Variants in GIT1 observed in about 807,000 individuals in gnomAD.
GIT1 encodes GIT ArfGAP 1, also known as ARF GTPase-activating protein GIT1.
Under a neutral mutation model 91.7 loss-of-function variants are expected in GIT1, and 14 were observed. The observed-to-expected ratio is 0.15, with a 90% CI of 0.10 to 0.24. The LOEUF (loss-of-function observed/expected upper bound fraction) is 0.24. Among genes scored for constraint, GIT1 ranks in the 10% least tolerant of loss-of-function variants. The pLI, the probability that GIT1 is intolerant of heterozygous loss-of-function variation, is 1.00. For synonymous variants in GIT1, 414 were observed against 418.2 expected (o/e 0.99, Z 0.12); for missense variants, 717 against 1,024.9 (o/e 0.70, Z 4.10).
intron 1 of GIT1, among the ~76,000 whole-genome samples, chr17:29,586,587 A>G (rs1438132375): frequency 1.3e-5 from 2 of 152,198 alleles, no homozygotes; most frequent in Non-Finnish European, 2.9e-5. Flanking sequence ...CCACTCTGCA[A>G]TCTACACTAT....
At position 29,581,721 on chromosome 17, in the gene GIT1, C is replaced by A; in HGVS notation, c.718+21G>T. On this transcript the variant is annotated intron_variant, in intron 6 of 19. Transcript: ENST00000225394. The surrounding 1 kb of genome is among the most constrained non-coding windows in gnomAD (Gnocchi z 4.8). ...CCCAGCCAGGCCTGTCACAGCCAGG[C>A]GCCCCCCAAGCTCTGCTCACCCGGC... The A allele has an allele frequency of 2.5e-6, 4 of 1,591,106 alleles. No individual in the cohort carries two copies. Among genetic ancestry groups the A allele is most frequent in the Non-Finnish European group, 2.6e-6 (3 of 1,166,174 alleles).
At position 29,577,579 on chromosome 17, in the gene GIT1, TGCCGGATGAGGAGGGACC is replaced by T. The variant is rs966158206; in HGVS notation, c.981+48_981+65del. On this transcript the variant is annotated intron_variant, in intron 10 of 19. Coordinates refer to ENST00000225394, the MANE Select transcript of GIT1 (RefSeq NM_014030.4). ...AGAGCTGGCTCAGGCCCCAGCCCAC[TGCCGGATGAGGAGGGACC>T]GCGGGGATGAAGTAGACCACCCCAG... is the stretch of plus-strand genomic sequence containing the variant. The T allele has an allele frequency of 4.8e-6, 5 of 1,052,258 alleles. No individual in the cohort carries two copies. In the African/African-American group the frequency reaches 7.7e-5, roughly 16 times the overall value. The allele number at this position is 1,052,258 out of a possible 1,614,324, so 65.2% of individuals were successfully genotyped here.
intron 1 of GIT1, among the ~76,000 whole-genome samples, chr17:29,586,128 T>G (rs1461949606): frequency 1.3e-5 from 2 of 152,050 alleles, no homozygotes; most frequent in African/African-American, 4.8e-5. Context: ...GTCAGAATGG[T>G]GGTTACCTCT....
At chr17:29,583,691 G>A in intron 1 of GIT1, 75 bp from the exon 2 acceptor site, 1 of 1,458,720 alleles carries the variant, frequency 6.9e-7, no homozygotes, top group Non-Finnish European at 9.2e-7. Flanking sequence ...TCTGGCCCGT[G>A]CCAAGCCTAG....
Position 29,575,727 on chromosome 17 carries a change from G to A in GIT1, c.1753-24C>T. 2 of 1,611,784 alleles carry A rather than the reference G, an allele frequency of 1.2e-6. No individual in the cohort carries two copies. The highest frequency in any genetic ancestry group is 1.7e-6 in the Non-Finnish European group (2 of 1,179,154). ...CTCTGGAGGGCGGAGGGAAGGGGCTGTGAGCGCCGTGTTCCTGGACCCACA... is the reference window on the plus strand; with the variant it reads ...CTCTGGAGGGCGGAGGGAAGGGGCTATGAGCGCCGTGTTCCTGGACCCACA... On this transcript the variant is annotated intron_variant, in intron 16 of 19. Coordinates refer to ENST00000225394, the MANE Select transcript of GIT1 (RefSeq NM_014030.4). This position sits in a 1 kb window ranked among gnomAD's most constrained non-coding sequence, Gnocchi z 5.5.
At chr17:29,587,852 AC>A (rs2033644298) in intron 1 of GIT1, among the ~76,000 whole-genome samples, 1 of 152,042 alleles carries the variant, frequency 6.6e-6, no homozygotes, top group Non-Finnish European at 1.5e-5. Context: ...TGCCATGCTT[AC>A]CCCACGGAGT....
Position 29,576,611 on chromosome 17 carries a change from T to C in GIT1, c.1291A>G (p.Lys431Glu), listed in dbSNP as rs758663323. ...TTTGCCTCCGATGTAGCCAGGGCCT[T>C]CTTCAGCTCCAGGTACTCCTGCAGC... is the stretch of plus-strand genomic sequence containing the variant. ...VTLQEYLELK[K>E]ALATSEAKVQ... is the part of the protein sequence containing the mutation. The change falls in exon 13 of 20, where the codon AAG becomes GAG. Residue 431 changes from lysine to glutamate, a missense_variant. Physicochemically the swap from Lys to Glu is moderately conservative, Grantham distance 56 (BLOSUM62 1). Around this residue, in one of 3 missense-constraint regions of GIT1, gnomAD observed 312 missense variants for 349.5 expected, o/e 0.89. Transcript: ENST00000225394. The C allele has an allele frequency of 4.3e-6, 7 of 1,613,904 alleles. No homozygotes were observed. Among genetic ancestry groups the C allele is most frequent in the African/African-American group, 2.7e-5 (2 of 74,922 alleles).
chr17:29,577,099 C>T (rs780927008), intron 11 of GIT1, 37 bp downstream of exon 11: 25 of 1,607,304 alleles, frequency 1.6e-5, no homozygotes, highest in African/African-American at 1.1e-4. Flanking sequence ...CCTGGAGCCC[C>T]GCCTGCTTCC....
In GIT1 at chr17:29,576,572, T is replaced by C; in HGVS notation, c.1330A>G (p.Met444Val). ...ATSEAKVQQLMKVNSSLSDEL... is the reference protein window; with the variant it reads ...ATSEAKVQQLVKVNSSLSDEL... ...TCGCTCAGGCTACTGTTGACCTTCA[T>C]GAGCTGCTGCACCTTTGCCTCCGAT... The change falls in exon 13 of 20, where the codon ATG (methionine) becomes GTG (valine). Residue 444 changes from methionine to valine, a missense_variant. Around this residue, in one of 3 missense-constraint regions of GIT1, gnomAD observed 312 missense variants for 349.5 expected, o/e 0.89. Coordinates refer to ENST00000225394, the MANE Select transcript of GIT1 (RefSeq NM_014030.4). The C allele has an allele frequency of 6.2e-7, 1 of 1,613,630 alleles. No homozygotes were observed. Among genetic ancestry groups the C allele is most frequent in the Non-Finnish European group, 8.5e-7 (1 of 1,179,618 alleles).
At position 29,575,141 on chromosome 17, in the gene GIT1, A is replaced by C; in HGVS notation, c.2011T>G (p.Phe671Val). Residue 671 changes from phenylalanine (F) to valine (V), a missense_variant and splice_region_variant, in exon 19 of 20, where the codon TTC becomes GTC. Phe to Val is a conservative substitution (Grantham distance 50). Around this residue, in one of 3 missense-constraint regions of GIT1, gnomAD observed 134 missense variants for 223.8 expected, o/e 0.60. Transcript: ENST00000225394. The surrounding 1 kb of genome is among the most constrained non-coding windows in gnomAD (Gnocchi z 5.5). ...TGGATCTTCTCTGAGCAGGGCACGA[A>C]GCTGCGGGGAGAAGGGAGGCTATAA... is the stretch of plus-strand genomic sequence containing the variant. ...RAAQEFKHDS[F>V]VPCSEKIHLA... is the part of the protein sequence containing the mutation. 1 of 1,596,500 alleles carries C rather than the reference A, an allele frequency of 6.3e-7. No homozygotes were observed. Among genetic ancestry groups the C allele is most frequent in the African/African-American group, 1.3e-5 (1 of 74,498 alleles).
At position 29,575,744 on chromosome 17, in the gene GIT1, G is replaced by C. The variant is rs772780703; in HGVS notation, c.1753-41C>G. 1 of 1,609,014 alleles carries C rather than the reference G, an allele frequency of 6.2e-7. No homozygotes were observed. Among genetic ancestry groups the C allele is most frequent in the Admixed American group, 1.7e-5 (1 of 59,984 alleles). On this transcript the variant is annotated intron_variant, in intron 16 of 19. Transcript: ENST00000225394. The surrounding 1 kb of genome is among the most constrained non-coding windows in gnomAD (Gnocchi z 5.5). ...AAGGGGCTGTGAGCGCCGTGTTCCT[G>C]GACCCACACTGCCCCTAGCCCACAC... is the stretch of plus-strand genomic sequence containing the variant.
At chr17:29,586,789 C>G (rs3115094) in intron 1 of GIT1, among the ~76,000 whole-genome samples, 130,208 of 152,166 alleles carry the variant, frequency 0.86, 56,221 homozygotes, top group East Asian at 1. Flanking sequence ...GTGGGCCAAG[C>G]CTAAGGAAAG....
rs1320300941 is a variant in GIT1, at chr17:29,581,230, G to T, written c.761+108C>A. On this transcript the variant is annotated intron_variant, in intron 7 of 19. Transcript: ENST00000225394. The surrounding 1 kb of genome is among the most constrained non-coding windows in gnomAD (Gnocchi z 4.8). ...AAGCTGTGCCTCTAGTCTCTGGGGG[G>T]AGGGAGCAGGGTCCTAGGCCTCTGA... 3 of 797,346 alleles carry T rather than the reference G, an allele frequency of 3.8e-6. No homozygotes were observed. Among genetic ancestry groups the T allele is most frequent in the Admixed American group, 3.7e-5 (2 of 53,386 alleles). The allele number at this position is 797,346 out of a possible 1,614,324, so 49.4% of individuals were successfully genotyped here.
At position 29,575,763 on chromosome 17, in the gene GIT1, C is replaced by T. The variant is rs765971490; in HGVS notation, c.1752+49G>A. The T allele has an allele frequency of 2.5e-6, 4 of 1,604,420 alleles. No individual in the cohort carries two copies. Among genetic ancestry groups the T allele is most frequent in the South Asian group, 1.1e-5 (1 of 90,932 alleles). On this transcript the variant is annotated intron_variant, in intron 16 of 19. Coordinates refer to ENST00000225394, the MANE Select transcript of GIT1 (RefSeq NM_014030.4). The surrounding 1 kb of genome is among the most constrained non-coding windows in gnomAD (Gnocchi z 5.5). ...GTTCCTGGACCCACACTGCCCCTAG[C>T]CCACACGGCCCCCAGCCACCCTGTG...
At chr17:29,585,764 T>G (rs2033573163) in intron 1 of GIT1, among the ~76,000 whole-genome samples, 2 of 152,110 alleles carry the variant, frequency 1.3e-5, no homozygotes, top group African/African-American at 2.4e-5. Flanking sequence ...GAAGGGATCC[T>G]TGCGTCAAGA....
intron 4 of GIT1, 42 bp from the exon 5 acceptor site, chr17:29,582,186 G>A (rs1264800446): frequency 2.8e-6 from 4 of 1,415,574 alleles, no homozygotes; most frequent in Non-Finnish European, 2.9e-6. Context: ...ATGTGCGTGA[G>A]GCGCACCTCC....
At chr17:29,585,471 C>T (rs1469112246) in intron 1 of GIT1, among the ~76,000 whole-genome samples, 1 of 152,174 alleles carries the variant, frequency 6.6e-6, no homozygotes, top group Non-Finnish European at 1.5e-5. Flanking sequence ...ATGGGCAGAC[C>T]AGATGTGGTG....
At chr17:29,582,891 A>G in intron 3 of GIT1, 34 bp downstream of exon 3, 1 of 1,562,058 alleles carries the variant, frequency 6.4e-7, no homozygotes, top group Non-Finnish European at 8.8e-7. Context: ...CGGACTGCGC[A>G]GTCTCTGCCC....
Position 29,574,749 on chromosome 17 carries a change from C to T in GIT1, c.2239G>A (p.Ala747Thr), listed in dbSNP as rs1325503504. Residue 747 changes from alanine (A) to threonine (T), a missense_variant, in exon 20 of 20, where the codon GCT (alanine) becomes ACT (threonine). Physicochemically the swap from Ala to Thr is moderately conservative, Grantham distance 58. Coordinates refer to ENST00000225394, the MANE Select transcript of GIT1 (RefSeq NM_014030.4). ...GTGATGGTGACCAGCTGCTTGGCAG[C>T]CTTGGCGATGTCATAGGCGCACTGG... ...VIQCAYDIAK[A>T]AKQLVTITTR... 6.2e-7 allele frequency: 1 copy of T among 1,613,548 alleles called. No individual in the cohort carries two copies. Among genetic ancestry groups the T allele is most frequent in the Non-Finnish European group, 8.5e-7 (1 of 1,179,906 alleles).
Sources: gnomAD v4.1 joint callset for allele counts (sites outside exome capture counted in the v4.1 genomes callset) on GRCh38, gnomAD v4.1.1 for gene constraint, gnomAD v4.1.1 regional missense constraint, Gnocchi (gnomAD v3.1) non-coding constraint, MANE v1.5 for transcripts, NCBI Gene and HGNC (gene_info 2026-07-23, HGNC 2026-07-21) for gene names.